Variants in SNED1 observed in about 807,000 individuals in gnomAD.
SNED1 encodes the protein sushi, nidogen and EGF like domains 1.
Under a neutral mutation model 166.7 loss-of-function variants are expected in SNED1, and 81 were observed. That is an observed-to-expected ratio of 0.49 (90% CI 0.41 to 0.58). The LOEUF is 0.58. SNED1 is among the 20% of genes least tolerant of loss of function. SNED1 has a pLI of 0.00. For synonymous variants in SNED1, 762 were observed against 822.0 expected (o/e 0.93, Z 1.25); for missense variants, 1,604 against 2,000.2 (o/e 0.80, Z 3.78).
Position 241,068,972 on chromosome 2 carries a change from G to C in SNED1, c.3256G>C (p.Glu1086Gln). The change falls in exon 23 of 32, where the codon GAG (glutamate) becomes CAG (glutamine). Residue 1086 changes from glutamate (E) to glutamine (Q), a missense_variant. Around this residue, in one of 2 missense-constraint regions of SNED1, gnomAD observed 1,237 missense variants for 1,620.8 expected, o/e 0.76. Coordinates refer to ENST00000310397, the MANE Select transcript of SNED1 (RefSeq NM_001080437.3). This position sits in a 1 kb window ranked among gnomAD's most constrained non-coding sequence, Gnocchi z 5.3. ...GACCACCCTCAGTGGGCTCAGGGGAGAGGAGCACCCCACAGAGAGCCTGGC... is the reference window on the plus strand; with the variant it reads ...GACCACCCTCAGTGGGCTCAGGGGACAGGAGCACCCCACAGAGAGCCTGGC... ...QLTTLSGLRG[E>Q]EHPTESLATA... 1 of 1,557,244 alleles carries C rather than the reference G, an allele frequency of 6.4e-7. No individual in the cohort carries two copies. The highest frequency in any genetic ancestry group is 1.2e-5 in the South Asian group (1 of 84,362).
chr2:241,047,671 C>G (rs1203786493), intron 8 of SNED1, among the ~76,000 whole-genome samples: 2 of 152,270 alleles, frequency 1.3e-5, no homozygotes, highest in Non-Finnish European at 2.9e-5. Context: ...ATAGGGATGC[C>G]TGACCAGAAA....
At chr2:241,055,633 C>T (rs556416165) in intron 16 of SNED1, among the ~76,000 whole-genome samples, 3 of 152,182 alleles carry the variant, frequency 2.0e-5, no homozygotes, top group African/African-American at 7.2e-5. Flanking sequence ...CTTTCATCCT[C>T]CAGCCAAATT....
chr2:241,024,286 C>T (rs1376599069), intron 1 of SNED1, among the ~76,000 whole-genome samples: 1 of 128,790 alleles, frequency 7.8e-6, no homozygotes, highest in Non-Finnish European at 1.6e-5. Context: ...TGCTGTGTCA[C>T]CCAGGCTGGA....
rs2061881175 is a variant in SNED1, at chr2:241,052,533, A to AGAGG, written c.2083+66_2083+67insAGGG. 3 of 1,179,594 alleles carry AGAGG rather than the reference A, an allele frequency of 2.5e-6. No individual in the cohort carries two copies. The African/African-American group carries it at 6.0e-5, about 24-fold the overall frequency. 73.1% of individuals were successfully genotyped at this position (1,179,594 alleles called of 1,614,324 possible). A position where few individuals can be genotyped will look rare whatever the true frequency, so the allele number is the denominator to read the frequency against. The stretch of plus-strand genomic sequence containing the variant: ...CCAGTGCCAGGCAGGTGAGATGGCC[A>AGAGG]GGGCCCAAGCAGGGTACATGGGATA... On this transcript the variant is annotated intron_variant, in intron 15 of 31. Transcript: ENST00000310397.
At chr2:241,057,162 T>A (rs2125140007) in intron 16 of SNED1, among the ~76,000 whole-genome samples, 1 of 151,570 alleles carries the variant, frequency 6.6e-6, no homozygotes, top group African/African-American at 2.4e-5. Flanking sequence ...GAGGATCACC[T>A]GAGGTCAGGA....
rs1559299382 is a variant in SNED1, at chr2:241,073,652, T to TGG, written c.3916+288_3916+289insGG. On this transcript the variant is annotated intron_variant, in intron 27 of 31. Coordinates refer to ENST00000310397, the MANE Select transcript of SNED1 (RefSeq NM_001080437.3). This position sits in a 1 kb window ranked among gnomAD's most constrained non-coding sequence, Gnocchi z 6.6. ...TGATGCTGCCTCCCCTCCCCTCTCC[T>TGG]CCTTCGCCTCCACATGCAGCAGAGC... 78 of 501,608 alleles carry TGG rather than the reference T, an allele frequency of 1.6e-4. No individual in the cohort carries two copies. The Middle Eastern group carries it at 5.2e-3, about 33-fold the overall frequency. 31.1% of individuals were successfully genotyped at this position (501,608 alleles called of 1,614,324 possible). A position where few individuals can be genotyped will look rare whatever the true frequency, so the allele number is the denominator to read the frequency against.
intron 1 of SNED1, among the ~76,000 whole-genome samples, chr2:241,000,006 A>C (rs2060030004): frequency 6.6e-6 from 1 of 151,844 alleles, no homozygotes; most frequent in Non-Finnish European, 1.5e-5. Flanking sequence ...TCCAGCCTCA[A>C]CCCACTGCCA....
intron 4 of SNED1, among the ~76,000 whole-genome samples, chr2:241,036,430 C>T (rs952251424): frequency 9.2e-5 from 14 of 152,132 alleles, no homozygotes; most frequent in Non-Finnish European, 2.1e-4. Flanking sequence ...GAGTGCCAGC[C>T]TCGGGTTTTC....
chr2:241,038,495 C>T lies in SNED1; in HGVS notation c.1045+1142C>T, dbSNP rs146013800. ...GCAGTGAAGCACAATTCCCACCTGG[C>T]GAGATGGGCTTGCCAGTGTGTTTAC... On this transcript the variant is annotated intron_variant, in intron 6 of 31. Transcript: ENST00000310397. 4.6e-5 allele frequency among the ~76,000 whole-genome samples: 7 copies of T among 152,352 alleles called. No individual in the cohort carries two copies. In the South Asian group the frequency reaches 1.0e-3, roughly 23 times the overall value.
intron 27 of SNED1, among the ~76,000 whole-genome samples, chr2:241,077,318 C>T (rs760427420): frequency 2.0e-5 from 3 of 152,146 alleles, no homozygotes; most frequent in Non-Finnish European, 2.9e-5. Flanking sequence ...AACCAAAACT[C>T]TTAGAAGAAA....
rs549215757 is a variant in SNED1 at position 241,067,665 on chromosome 2, G to A, written c.3011-99G>A. On this transcript the variant is annotated intron_variant, in intron 21 of 31. Coordinates refer to ENST00000310397, the MANE Select transcript of SNED1 (RefSeq NM_001080437.3). ...ACACCCTCTCCAGTGCCTCTCTGTG[G>A]CCCCCAGCACCCTCCCAAGCCTGGT... The A allele has an allele frequency of 1.9e-5, 18 of 962,048 alleles. No homozygotes were observed. In the East Asian group the frequency reaches 3.9e-4, roughly 21 times the overall value. The allele number at this position is 962,048 out of a possible 1,614,324, so 59.6% of individuals were successfully genotyped here. A position where few individuals can be genotyped will look rare whatever the true frequency, so the allele number is the denominator to read the frequency against.
chr2:241,027,341 A>G (rs2061002660), intron 1 of SNED1, among the ~76,000 whole-genome samples: 1 of 152,168 alleles, frequency 6.6e-6, no homozygotes, highest in African/African-American at 2.4e-5. Context: ...TCAGCCACCA[A>G]AAGTGTTGGG....
chr2:241,033,287 C>T (rs1197982157), intron 2 of SNED1, among the ~76,000 whole-genome samples: 1 of 152,170 alleles, frequency 6.6e-6, no homozygotes, highest in Non-Finnish European at 1.5e-5. Context: ...CGCTGCCTGC[C>T]AATATTTCCT....
intron 16 of SNED1, 70 bp downstream of exon 16, chr2:241,053,396 G>A: frequency 6.9e-7 from 1 of 1,452,074 alleles, no homozygotes; most frequent in Non-Finnish European, 9.2e-7. Flanking sequence ...ATGTGGAGGA[G>A]CACAGGGGCT....
intron 30 of SNED1, chr2:241,087,848 C>A: frequency 2.0e-6 from 1 of 506,036 alleles, no homozygotes; most frequent in Non-Finnish European, 3.2e-6. Context: ...GTTCTTTCCA[C>A]AAAGGGTTCA....
intron 1 of SNED1, among the ~76,000 whole-genome samples, chr2:241,020,721 C>G (rs1395376577): frequency 6.6e-6 from 1 of 152,206 alleles, no homozygotes; most frequent in Non-Finnish European, 1.5e-5. Context: ...GCCACCCCAC[C>G]TTAAAGGGGG....
intron 16 of SNED1, among the ~76,000 whole-genome samples, chr2:241,053,546 C>T (rs996931010): frequency 1.3e-5 from 2 of 152,216 alleles, no homozygotes; most frequent in Non-Finnish European, 2.9e-5. Flanking sequence ...CTAAAGGCTT[C>T]CCCATCCTCA....
chr2:241,027,740 T>G (rs2061023278), intron 1 of SNED1, among the ~76,000 whole-genome samples: 1 of 151,440 alleles, frequency 6.6e-6, no homozygotes, highest in Non-Finnish European at 1.5e-5. Context: ...TCTGTTTTTT[T>G]TTTTTTTTTT....
Position 241,081,754 on chromosome 2 carries a change from G to A in SNED1, c.3994G>A (p.Asp1332Asn), listed in dbSNP as rs2063339178. ...CVPGADAHSC[D>N]CGPGFKGRRC... is the part of the protein sequence containing the mutation. ...GCCGGGCGCAGACGCCCACAGCTGTGACTGCGGGCCAGGGTTCAAAGGCAG... is the reference window on the plus strand; with the variant it reads ...GCCGGGCGCAGACGCCCACAGCTGTAACTGCGGGCCAGGGTTCAAAGGCAG... The change falls in exon 28 of 32, where the codon GAC (aspartate) becomes AAC (asparagine). Residue 1332 changes from aspartate to asparagine, a missense_variant. Transcript: ENST00000310397. 6.2e-7 allele frequency: 1 copy of A among 1,605,234 alleles called. No homozygotes were observed. The highest frequency in any genetic ancestry group is 1.7e-5 in the Admixed American group (1 of 58,892).
Sources: allele counts gnomAD v4.1 joint callset (sites outside exome capture counted in the v4.1 genomes callset), GRCh38; gene constraint gnomAD v4.1.1; regional missense constraint gnomAD v4.1.1; non-coding constraint Gnocchi (gnomAD v3.1); transcripts MANE v1.5; gene names NCBI Gene and HGNC (gene_info 2026-07-23, HGNC 2026-07-21).